Variants in PAIP2 observed in about 807,000 individuals in gnomAD.
The protein encoded by PAIP2 is poly(A) binding protein interacting protein 2.
In PAIP2, 7 loss-of-function variants were observed where a neutral mutation model predicts 14.8. That is an observed-to-expected ratio of 0.47 (90% CI 0.27 to 0.89). The LOEUF (loss-of-function observed/expected upper bound fraction) is 0.89, where lower values mean the gene tolerates loss of function less well. Ranked by LOEUF, PAIP2 falls within the 40% of genes least tolerant of loss-of-function variation. PAIP2 has a pLI of 0.13. For synonymous variants in PAIP2, 47 were observed against 45.3 expected, an observed-to-expected ratio of 1.04 and a Z score of -0.15; for missense variants, 122 against 154.7, an observed-to-expected ratio of 0.79 and a Z score of 1.12.
At chr5:139,346,937 G>A (rs1484723122) in intron 1 of PAIP2, among the ~76,000 whole-genome samples, 1 of 152,190 alleles carries the variant, frequency 6.6e-6, no homozygotes, top group Non-Finnish European at 1.5e-5. Context: ...AGGCTCCCGA[G>A]TAGCTGGGAC....
intron 1 of PAIP2, among the ~76,000 whole-genome samples, chr5:139,358,267 C>G (rs1756973138): frequency 6.6e-6 from 1 of 152,238 alleles, no homozygotes; most frequent in Non-Finnish European, 1.5e-5. Context: ...ATAATCCCTA[C>G]ATCCACAGGA....
rs1426331523 is a variant in PAIP2, at chr5:139,369,016, G to A, written c.*218G>A. On this transcript the variant is annotated 3_prime_UTR_variant, in exon 4 of 4. Transcript: ENST00000265192. ...AATAGAATTGGCCCCATGGCTTGAT[G>A]TGAAGACAGCAAGGAAAGAAGCACC... The A allele has an allele frequency of 7.1e-6, 3 of 424,176 alleles. No homozygotes were observed. Among genetic ancestry groups the A allele is most frequent in the Middle Eastern group, 5.7e-4 (1 of 1,746 alleles). 26.3% of individuals were successfully genotyped at this position (424,176 alleles called of 1,614,324 possible).
rs1421081029 is a variant in PAIP2 at position 139,341,938 on chromosome 5, C to G, written c.-69C>G. On this transcript the variant is annotated 5_prime_UTR_variant, in exon 1 of 4. Transcript: ENST00000265192. The stretch of plus-strand genomic sequence containing the variant: ...CGCTGCCTGTGGAGATCCGCGGAGG[C>G]CGACAGGATTCGTTGGCTGCCGTCC... 6.5e-6 allele frequency: 1 copy of G among 152,716 alleles called. No individual in the cohort carries two copies. The highest frequency in any genetic ancestry group is 2.4e-5 in the African/African-American group (1 of 41,426). 9.5% of individuals were successfully genotyped at this position (152,716 alleles called of 1,614,324 possible). A position where few individuals can be genotyped will look rare whatever the true frequency, so the allele number is the denominator to read the frequency against.
At chr5:139,351,311 C>G (rs1298619219) in intron 1 of PAIP2, among the ~76,000 whole-genome samples, 1 of 150,270 alleles carries the variant, frequency 6.7e-6, no homozygotes, top group Admixed American at 6.6e-5. Flanking sequence ...TACCTTGTCT[C>G]TACTAAAAAA....
At chr5:139,346,216 A>T (rs59914864) in intron 1 of PAIP2, among the ~76,000 whole-genome samples, 1,659 of 152,280 alleles carry the variant, frequency 0.011, 23 homozygotes, top group African/African-American at 0.038. Flanking sequence ...AAACATCTTA[A>T]GCTGTCGTCT....
intron 1 of PAIP2, among the ~76,000 whole-genome samples, chr5:139,349,818 A>G (rs1253655724): frequency 6.6e-6 from 1 of 151,982 alleles, no homozygotes; most frequent in Non-Finnish European, 1.5e-5. Context: ...CCTGGCCAAC[A>G]TGGTGAAACC....
intron 1 of PAIP2, among the ~76,000 whole-genome samples, chr5:139,355,464 G>A (rs1326042505): frequency 6.6e-6 from 1 of 151,940 alleles, no homozygotes; most frequent in Non-Finnish European, 1.5e-5. Context: ...AAGCCACCAC[G>A]GCCCACTATT....
At chr5:139,358,190 C>A (rs1756971473) in intron 1 of PAIP2, among the ~76,000 whole-genome samples, 1 of 152,184 alleles carries the variant, frequency 6.6e-6, no homozygotes, top group African/African-American at 2.4e-5. Context: ...CTCCACTGTT[C>A]ACTAGTTGTG....
chr5:139,368,916 T>G lies in PAIP2; in HGVS notation c.*118T>G. The G allele has an allele frequency of 1.4e-6, 1 of 702,260 alleles. No individual in the cohort carries two copies. The highest frequency in any genetic ancestry group is 2.5e-6 in the Non-Finnish European group (1 of 406,670). The allele number at this position is 702,260 out of a possible 1,614,324, so 43.5% of individuals were successfully genotyped here. On this transcript the variant is annotated 3_prime_UTR_variant, in exon 4 of 4. Transcript: ENST00000265192. The stretch of plus-strand genomic sequence containing the variant: ...GTGTTACACTTATGCATTGCCAAAG[T>G]TTTTGTTAGTCTTGCATGCTTAATA...
intron 1 of PAIP2, among the ~76,000 whole-genome samples, chr5:139,344,006 G>A (rs558043827): frequency 2.0e-4 from 30 of 152,232 alleles, no homozygotes; most frequent in Non-Finnish European, 2.1e-4. Flanking sequence ...GCCCATTTGG[G>A]AATTAAAGAA....
Position 139,356,338 on chromosome 5 carries a change from C to G in PAIP2, c.-26-7421C>G, listed in dbSNP as rs961849772. Among the ~76,000 whole-genome samples the G allele has an allele frequency of 2.8e-5, 4 of 142,778 alleles. No homozygotes were observed. In the South Asian group the frequency reaches 6.8e-4, roughly 24 times the overall value. The allele number at this position is 142,778 out of a possible 152,430, so 93.7% of individuals were successfully genotyped here. ...GCATGCACCTGTAATCCCAGCTACT[C>G]GGGAGGCTGAGGCAGGAGAATCACT... is the stretch of plus-strand genomic sequence containing the variant. On this transcript the variant is annotated intron_variant, in intron 1 of 3. Coordinates refer to ENST00000265192, the MANE Select transcript of PAIP2 (RefSeq NM_016480.5).
intron 1 of PAIP2, among the ~76,000 whole-genome samples, chr5:139,349,563 A>T (rs899488126): frequency 6.6e-6 from 1 of 152,156 alleles, no homozygotes; most frequent in Non-Finnish European, 1.5e-5. Context: ...GTACATTTTT[A>T]ATTGATAGGA....
At chr5:139,347,732 T>TA (rs1434125949) in intron 1 of PAIP2, among the ~76,000 whole-genome samples, 2 of 151,928 alleles carry the variant, frequency 1.3e-5, no homozygotes, top group African/African-American at 4.8e-5. Context: ...CCCTAAAACT[T>TA]AAAGTATAAT....
In PAIP2 at chr5:139,349,412, C is replaced by A. The variant is rs149763208; in HGVS notation, c.-27+7432C>A. 6.1e-3 allele frequency among the ~76,000 whole-genome samples: 924 copies of A among 152,154 alleles called. 8 individuals are homozygous for A. Among genetic ancestry groups the A allele is most frequent in the African/African-American group, 0.021 (884 of 41,528 alleles). On this transcript the variant is annotated intron_variant, in intron 1 of 3. Transcript: ENST00000265192. ...TACAAGCTCACACCACCATGCCTGG[C>A]TAATTTTTGTATTTTTAGTAGATAC...
In PAIP2 at chr5:139,362,379, C is replaced by T. The variant is rs754536732; in HGVS notation, c.-26-1380C>T. On this transcript the variant is annotated intron_variant, in intron 1 of 3. Coordinates refer to ENST00000265192, the MANE Select transcript of PAIP2 (RefSeq NM_016480.5). ...GGGATTACAGGCATGTACCACCATGCCCAGCTAAATTTTTTGTTTTTGGGT... is the reference window on the plus strand; with the variant it reads ...GGGATTACAGGCATGTACCACCATGTCCAGCTAAATTTTTTGTTTTTGGGT... 5.9e-4 allele frequency among the ~76,000 whole-genome samples: 89 copies of T among 150,232 alleles called. 1 individual carries two copies. Among genetic ancestry groups the T allele is most frequent in the Non-Finnish European group, 1.0e-3 (69 of 67,766 alleles).
intron 2 of PAIP2, chr5:139,364,132 G>A: frequency 1.8e-6 from 1 of 548,348 alleles, no homozygotes; most frequent in Non-Finnish European, 3.2e-6. Context: ...CCACCCTAGA[G>A]ATGTCTGAAT....
rs774622187 is a variant in PAIP2, at chr5:139,364,708, G to A, written c.283G>A (p.Val95Ile). ...DQIQDQFNDL[V>I]ISDGSSLEDL... is the part of the protein sequence containing the mutation. ...AATCCAAGACCAGTTTAATGACCTT[G>A]TTATCAGTGATGGCTCTTCTCTGGA... is the stretch of plus-strand genomic sequence containing the variant. Residue 95 changes from valine to isoleucine, a missense_variant, in exon 3 of 4, where the codon GTT (valine) becomes ATT (isoleucine). Coordinates refer to ENST00000265192, the MANE Select transcript of PAIP2 (RefSeq NM_016480.5). 1.2e-6 allele frequency: 2 copies of A among 1,612,342 alleles called. No individual in the cohort carries two copies. Among genetic ancestry groups the A allele is most frequent in the East Asian group, 4.5e-5 (2 of 44,840 alleles).
intron 1 of PAIP2, among the ~76,000 whole-genome samples, chr5:139,346,492 TCC>T (rs993367225): frequency 1.1e-4 from 17 of 151,512 alleles, no homozygotes; most frequent in African/African-American, 3.6e-4. Flanking sequence ...CCCCTTGGCC[TCC>T]CAAAGTGTTG....
intron 3 of PAIP2, among the ~76,000 whole-genome samples, chr5:139,366,361 A>G (rs143854126): frequency 1.4e-4 from 22 of 152,324 alleles, no homozygotes; most frequent in Admixed American, 1.4e-3. Flanking sequence ...ACATCCCAAC[A>G]TGCTCAGTTG....
Sources: allele counts gnomAD v4.1 joint callset (sites outside exome capture counted in the v4.1 genomes callset), GRCh38; gene constraint gnomAD v4.1.1; transcripts MANE v1.5; gene names NCBI Gene and HGNC (gene_info 2026-07-23, HGNC 2026-07-21).